Variants in GSE1 observed in about 807,000 individuals in gnomAD.
GSE1 encodes Gse1 coiled-coil protein, also known as genetic suppressor element 1.
GSE1 carries 32 observed loss-of-function variants against 112.6 expected under a neutral mutation model. The ratio of observed to expected loss-of-function variants is 0.28; its 90% CI spans 0.21 to 0.38. The LOEUF is 0.38. Among genes scored for constraint, GSE1 ranks in the 10% least tolerant of loss-of-function variants. The probability of loss-of-function intolerance (pLI) is 1.00; values close to 1 mark genes in which losing one functional copy is unlikely to be tolerated. For synonymous variants in GSE1, 1,115 were observed against 735.6 expected (o/e 1.52, Z -8.35); for missense variants, 2,348 against 1,699.2 (o/e 1.38, Z -6.71).
At chr16:85,617,964 C>T (rs1467212155) in intron 1 of GSE1, among the ~76,000 whole-genome samples, 1 of 152,152 alleles carries the variant, frequency 6.6e-6, no homozygotes, top group Non-Finnish European at 1.5e-5. Context: ...CTCTGGATGT[C>T]TGTGGGCCTT....
At chr16:85,316,516 C>T (rs760140370) in intron 1 of GSE1, among the ~76,000 whole-genome samples, 7 of 152,212 alleles carry the variant, frequency 4.6e-5, no homozygotes, top group Non-Finnish European at 8.8e-5. Flanking sequence ...CTCCAGCAGG[C>T]TTTGATCTGA....
intron 2 of GSE1, among the ~76,000 whole-genome samples, chr16:85,408,330 G>A (rs146815431): frequency 0.01 from 56 of 5,338 alleles, no homozygotes; most frequent in East Asian, 0.016. Flanking sequence ...AGGGCCCCCC[G>A]GATAATCCTC....
At chr16:85,588,825 C>T (rs571338473) in intron 1 of GSE1, among the ~76,000 whole-genome samples, 5 of 152,116 alleles carry the variant, frequency 3.3e-5, no homozygotes, top group Non-Finnish European at 5.9e-5. Context: ...GATAAGCACC[C>T]GAGGCCTGCT....
intron 2 of GSE1, among the ~76,000 whole-genome samples, chr16:85,524,607 C>T (rs947427515): frequency 1.3e-5 from 2 of 151,946 alleles, no homozygotes; most frequent in East Asian, 1.9e-4. Flanking sequence ...TGCCCTGGGC[C>T]GGGAGGGGCT....
In GSE1 at chr16:85,542,271, G is replaced by T. The variant is rs541704578; in HGVS notation, c.2465-91643G>T. 1.1e-4 allele frequency among the ~76,000 whole-genome samples: 17 copies of T among 152,346 alleles called. No homozygotes were observed. The East Asian group carries it at 3.3e-3, about 29-fold the overall frequency. On this transcript the variant is annotated intron_variant, in intron 2 of 2. Transcript: ENST00000637419. Reference sequence around the variant, plus strand: ...AGGGCAGCTTTCTCTTTGGAAACCCGTTCTGTTTCTTAAATGTCAGAGTGA... The same window carrying T: ...AGGGCAGCTTTCTCTTTGGAAACCCTTTCTGTTTCTTAAATGTCAGAGTGA...
intron 1 of GSE1, among the ~76,000 whole-genome samples, chr16:85,316,989 C>T (rs1211455837): frequency 3.9e-5 from 6 of 152,304 alleles, no homozygotes; most frequent in South Asian, 4.1e-4. Flanking sequence ...GGCTGCTGAG[C>T]GAGTCTCAGG....
intron 1 of GSE1, among the ~76,000 whole-genome samples, chr16:85,261,021 C>T (rs1907630400): frequency 6.6e-6 from 1 of 152,214 alleles, no homozygotes; most frequent in African/African-American, 2.4e-5. Context: ...CTCAGTTCCA[C>T]CATGGCTTGG....
intron 1 of GSE1, among the ~76,000 whole-genome samples, chr16:85,331,391 ATG>A (rs370452092): frequency 2.9e-5 from 3 of 102,806 alleles, no homozygotes; most frequent in African/African-American, 3.5e-5. Flanking sequence ...ATGTATATAT[ATG>A]TGTATATATG....
chr16:85,360,503 G>A (rs1484440344), intron 2 of GSE1, among the ~76,000 whole-genome samples: 1 of 152,194 alleles, frequency 6.6e-6, no homozygotes, highest in Non-Finnish European at 1.5e-5. Flanking sequence ...GGCCCCGCCT[G>A]GGCAGCCACT....
intron 1 of GSE1, among the ~76,000 whole-genome samples, chr16:85,571,844 C>G (rs1425999163): frequency 6.6e-6 from 1 of 152,178 alleles, no homozygotes; most frequent in East Asian, 1.9e-4. Context: ...TGTTTGGAAT[C>G]TGAGAGACGG....
intron 2 of GSE1, among the ~76,000 whole-genome samples, chr16:85,376,412 G>T (rs1302153401): frequency 1.3e-5 from 2 of 152,240 alleles, no homozygotes; most frequent in Non-Finnish European, 2.9e-5. Flanking sequence ...CATTAGGGCT[G>T]GGCTGGGGTG....
At chr16:85,284,070 C>T (rs572190134) in intron 1 of GSE1, among the ~76,000 whole-genome samples, 6 of 152,146 alleles carry the variant, frequency 3.9e-5, no homozygotes, top group Non-Finnish European at 7.3e-5. Context: ...AATGCATGCC[C>T]GTGGCTGTGG....
chr16:85,488,738 G>A (rs9674421), intron 2 of GSE1, among the ~76,000 whole-genome samples: 69,775 of 152,006 alleles, frequency 0.46, 16,892 homozygotes, highest in African/African-American at 0.59. Context: ...ATGGAGACTG[G>A]AGGAGGACCT....
chr16:85,490,795 T>C (rs2050986803), intron 2 of GSE1: 1 of 152,240 alleles, frequency 6.6e-6, no homozygotes, highest in African/African-American at 2.4e-5. Context: ...AATCATTTTA[T>C]AGAGAACCTA....
chr16:85,624,501 G>A (rs1209056230), intron 1 of GSE1, among the ~76,000 whole-genome samples: 6 of 152,212 alleles, frequency 3.9e-5, no homozygotes, highest in Non-Finnish European at 8.8e-5. Context: ...ACTAGGGTGG[G>A]CACCCAAACA....
intron 2 of GSE1, among the ~76,000 whole-genome samples, chr16:85,383,784 G>A (rs1398977343): frequency 6.6e-6 from 1 of 152,142 alleles, no homozygotes; most frequent in East Asian, 1.9e-4. Flanking sequence ...CCGTTAAAGG[G>A]TCCCCATGAA....
upstream of GSE1, chr16:85,555,734 C>G: frequency 5.1e-6 from 5 of 974,952 alleles, no homozygotes; most frequent in Non-Finnish European, 6.0e-6. Flanking sequence ...AAACAGGTCT[C>G]TTGACCCTCG....
At chr16:85,363,532 A>G (rs1490604255) in intron 2 of GSE1, among the ~76,000 whole-genome samples, 2 of 152,128 alleles carry the variant, frequency 1.3e-5, no homozygotes, top group Non-Finnish European at 2.9e-5. Flanking sequence ...GGCTCTTCCC[A>G]TGGGGTTTCT....
intron 2 of GSE1, among the ~76,000 whole-genome samples, chr16:85,417,119 A>G (rs1552273): frequency 0.78 from 119,339 of 152,102 alleles, 47,011 homozygotes; most frequent in Admixed American, 0.86. Flanking sequence ...GCCTCCCAAA[A>G]TTACAAATTA....
Sources: allele counts gnomAD v4.1 joint callset (sites outside exome capture counted in the v4.1 genomes callset), GRCh38; gene constraint gnomAD v4.1.1; transcripts MANE v1.5; gene names NCBI Gene and HGNC (gene_info 2026-07-23, HGNC 2026-07-21).